The following TRIM16 variants were observed in gnomAD, a reference collection of about 807,000 sequenced individuals.
TRIM16 encodes the protein tripartite motif containing 16, also known as tripartite motif-containing protein 16.
In TRIM16, 33 loss-of-function variants were observed where a neutral mutation model predicts 50.4. The observed-to-expected ratio is 0.65, with a 90% CI of 0.50 to 0.88. The LOEUF (loss-of-function observed/expected upper bound fraction) is 0.88. Among genes scored for constraint, TRIM16 ranks in the 40% least tolerant of loss-of-function variants. The pLI, the probability that TRIM16 is intolerant of heterozygous loss-of-function variation, is 0.00. For synonymous variants in TRIM16, 229 were observed against 270.7 expected, an observed-to-expected ratio of 0.85 and a Z score of 1.51; for missense variants, 581 against 686.8, an observed-to-expected ratio of 0.85 and a Z score of 1.72.
At chr17:15,676,732 G>A (rs1361734698) in intron 6 of TRIM16, among the ~76,000 whole-genome samples, 2 of 152,124 alleles carry the variant, frequency 1.3e-5, no homozygotes, top group Non-Finnish European at 2.9e-5. Context: ...ACTGCGCCTG[G>A]CCGAAACCTG....
chr17:15,641,075 G>A (rs1442100061), intron 8 of TRIM16, among the ~76,000 whole-genome samples: 1 of 148,600 alleles, frequency 6.7e-6, no homozygotes, highest in Non-Finnish European at 1.5e-5. Context: ...AGGCCATCCT[G>A]AGAAAGGATA....
intron 7 of TRIM16, among the ~76,000 whole-genome samples, chr17:15,650,236 T>C (rs1987620539): frequency 6.6e-6 from 1 of 152,186 alleles, no homozygotes; most frequent in African/African-American, 2.4e-5. Context: ...ACTTCCTTGA[T>C]GATTAATGTA....
At chr17:15,658,509 C>T (rs977544352) in intron 6 of TRIM16, among the ~76,000 whole-genome samples, 1 of 152,118 alleles carries the variant, frequency 6.6e-6, no homozygotes, top group Non-Finnish European at 1.5e-5. Flanking sequence ...GCCCATCAGA[C>T]TGAGAAAAAT....
intron 6 of TRIM16, among the ~76,000 whole-genome samples, chr17:15,674,250 G>T (rs1827681091): frequency 6.6e-6 from 1 of 151,902 alleles, no homozygotes; most frequent in Admixed American, 6.6e-5. Flanking sequence ...GGCACCTGTA[G>T]TCCCAGCTAC....
intron 4 of TRIM16, among the ~76,000 whole-genome samples, chr17:15,679,733 C>T (rs10432023): frequency 0.04 from 6,085 of 151,982 alleles, 184 homozygotes; most frequent in East Asian, 0.1. Context: ...GTCAGGAGAT[C>T]GAGACCATCC....
chr17:15,667,751 C>A (rs1988560340), intron 6 of TRIM16, among the ~76,000 whole-genome samples: 1 of 152,114 alleles, frequency 6.6e-6, no homozygotes, highest in South Asian at 2.1e-4. Context: ...GTACATAAGA[C>A]CCTTCAATCT....
intron 7 of TRIM16, among the ~76,000 whole-genome samples, chr17:15,650,237 G>A (rs1406837716): frequency 6.6e-6 from 1 of 152,214 alleles, no homozygotes; most frequent in Non-Finnish European, 1.5e-5. Context: ...CTTCCTTGAT[G>A]ATTAATGTAG....
chr17:15,629,317 C>G (rs1986283340), intron 11 of TRIM16, 119 bp from the exon 12 acceptor site: 2 of 637,036 alleles, frequency 3.1e-6, no homozygotes, highest in African/African-American at 3.7e-5. Context: ...TCTCTGTTCT[C>G]TATTTACCCA....
intron 6 of TRIM16, among the ~76,000 whole-genome samples, chr17:15,660,649 A>G (rs1330434791): frequency 1.3e-5 from 2 of 152,184 alleles, no homozygotes; most frequent in Non-Finnish European, 2.9e-5. Flanking sequence ...CTGTAATCCC[A>G]GCACTTTGGG....
In TRIM16 at chr17:15,629,114, G is replaced by C; in HGVS notation, c.1196C>G (p.Thr399Arg). 6.2e-7 allele frequency: 1 copy of C among 1,613,602 alleles called. No homozygotes were observed. The highest frequency in any genetic ancestry group is 1.3e-5 in the African/African-American group (1 of 75,014). ...GTCCGGGTAGGGATGCTCCCAGGGCGTGGTGTTGGTGACCTTGCGGTTCTC... is the reference window on the plus strand; with the variant it reads ...GTCCGGGTAGGGATGCTCCCAGGGCCTGGTGTTGGTGACCTTGCGGTTCTC... ...QEENRKVTNT[T>R]PWEHPYPDLP... Residue 399 changes from threonine to arginine, a missense_variant, in exon 12 of 12, where the codon ACG becomes AGG. Coordinates refer to ENST00000649191, the MANE Select transcript of TRIM16 (RefSeq NM_001348119.1).
Position 15,642,783 on chromosome 17 carries a change from G to C in TRIM16, c.553C>G (p.Arg185Gly). The C allele has an allele frequency of 1.3e-6, 1 of 761,240 alleles. No homozygotes were observed. 47.2% of individuals were successfully genotyped at this position (761,240 alleles called of 1,614,324 possible). The change falls in exon 8 of 12, where the codon CGG becomes GGG. Residue 185 changes from arginine (R) to glycine (G), a missense_variant. Arg to Gly is a moderately radical substitution (Grantham distance 125). Around this residue, in one of 3 missense-constraint regions of TRIM16, gnomAD observed 450 missense variants for 544.3 expected, o/e 0.83. Transcript: ENST00000649191. The stretch of plus-strand genomic sequence containing the variant: ...GCATTTTCATTCAACTTGAGTTTCC[G>C]CTCCAAGTCTAACTGGGTGCACTGG... The part of the protein sequence containing the change: ...ELQCTQLDLE[R>G]KLKLNENAIS...
intron 6 of TRIM16, among the ~76,000 whole-genome samples, chr17:15,661,601 C>A (rs1988240501): frequency 1.3e-5 from 2 of 152,128 alleles, no homozygotes; most frequent in Non-Finnish European, 2.9e-5. Context: ...GCCCTGCAGT[C>A]CAAATGGTGC....
At position 15,639,717 on chromosome 17, in the gene TRIM16, G is replaced by C. The variant is rs554131128; in HGVS notation, c.615+3004C>G. Among the ~76,000 whole-genome samples the C allele has an allele frequency of 5.3e-5, 8 of 149,894 alleles. 1 individual carries two copies. The South Asian group carries it at 1.7e-3, about 32-fold the overall frequency. On this transcript the variant is annotated intron_variant, in intron 8 of 11. Transcript: ENST00000649191. ...AATAGTAGAGAAGGAGGCAGGCAGA[G>C]AATGGGCTCTGGACTGTGGATGGGA...
At chr17:15,636,522 C>CT (rs1555553283) in intron 8 of TRIM16, among the ~76,000 whole-genome samples, 1 of 149,080 alleles carries the variant, frequency 6.7e-6, no homozygotes, top group Non-Finnish European at 1.5e-5. Flanking sequence ...CCTCACAACT[C>CT]TGACACTCCG....
intron 7 of TRIM16, among the ~76,000 whole-genome samples, chr17:15,646,483 G>A (rs1222205590): frequency 1.5e-5 from 2 of 137,462 alleles, no homozygotes; most frequent in Non-Finnish European, 3.1e-5. Context: ...TGTGTCAAAG[G>A]CACACTATTT....
In TRIM16 at chr17:15,682,886, C is replaced by T. The variant is rs1215500465; in HGVS notation, c.-711G>A. 6.8e-7 allele frequency: 1 copy of T among 1,469,732 alleles called. No individual in the cohort carries two copies. Among genetic ancestry groups the T allele is most frequent in the Non-Finnish European group, 9.0e-7 (1 of 1,113,168 alleles). 91.0% of individuals were successfully genotyped at this position (1,469,732 alleles called of 1,614,324 possible). On this transcript the variant is annotated 5_prime_UTR_variant, in exon 3 of 12. Coordinates refer to ENST00000649191, the MANE Select transcript of TRIM16 (RefSeq NM_001348119.1). ...CAGGTGCTTTCCATAAATCAGTATT[C>T]ACAGATGAGGAAACTGTTAACTTGC...
At chr17:15,647,153 T>C (rs950443490) in intron 7 of TRIM16, among the ~76,000 whole-genome samples, 3 of 151,672 alleles carry the variant, frequency 2.0e-5, no homozygotes, top group Admixed American at 2.0e-4. Flanking sequence ...TTTTTTTTTT[T>C]AGTAGAGACA....
At chr17:15,657,406 A>G (rs7223879) in intron 6 of TRIM16, among the ~76,000 whole-genome samples, 18,010 of 152,172 alleles carry the variant, frequency 0.12, 1,935 homozygotes, top group African/African-American at 0.29. Flanking sequence ...CTGGCTCATT[A>G]TAACCATTGG....
rs1228095630 is a variant in TRIM16, at chr17:15,640,849, A to C, written c.615+1872T>G. Among the ~76,000 whole-genome samples the C allele has an allele frequency of 2.7e-5, 4 of 148,600 alleles. 1 individual carries two copies. The East Asian group carries it at 8.2e-4, about 30-fold the overall frequency. On this transcript the variant is annotated intron_variant, in intron 8 of 11. Coordinates refer to ENST00000649191, the MANE Select transcript of TRIM16 (RefSeq NM_001348119.1). ...GCTCTAGGAGTCACAGAGGCCACAG[A>C]GTGCTCCCTGCCTGTACTGCCCGCT...
Sources: gnomAD v4.1 joint callset for allele counts (sites outside exome capture counted in the v4.1 genomes callset) on GRCh38, gnomAD v4.1.1 for gene constraint, gnomAD v4.1.1 regional missense constraint, MANE v1.5 for transcripts, NCBI Gene and HGNC (gene_info 2026-07-23, HGNC 2026-07-21) for gene names.